Variants in TSPAN12 observed in about 807,000 individuals in gnomAD.
The protein encoded by TSPAN12 is tetraspanin-12.
TSPAN12 carries 19 observed loss-of-function variants against 39.2 expected under a neutral mutation model. The observed-to-expected ratio is 0.49, with a 90% CI of 0.34 to 0.71. TSPAN12 has a LOEUF of 0.71. Ranked by LOEUF, TSPAN12 falls within the 30% of genes least tolerant of loss-of-function variation. The pLI is 0.01. For synonymous variants in TSPAN12, 119 were observed against 124.8 expected, an observed-to-expected ratio of 0.95 and a Z score of 0.31; for missense variants, 314 against 359.9, an observed-to-expected ratio of 0.87 and a Z score of 1.03.
At position 120,857,586 on chromosome 7, in the gene TSPAN12, G is replaced by A. The variant is rs143335671; in HGVS notation, c.-71+234C>T. Among the ~76,000 whole-genome samples the A allele has an allele frequency of 9.0e-3, 1,362 of 152,126 alleles. 26 individuals are homozygous for A. Among genetic ancestry groups the A allele is most frequent in the African/African-American group, 0.031 (1,281 of 41,544 alleles). ...TAGTCATTCAAACCCCGCTTCCCCC[G>A]CCCGGGACGCTCCCGCGACCCCTCG... On this transcript the variant is annotated intron_variant, in intron 1 of 7. Coordinates refer to ENST00000222747, the MANE Select transcript of TSPAN12 (RefSeq NM_012338.4).
intron 2 of TSPAN12, among the ~76,000 whole-genome samples, chr7:120,850,168 C>T (rs1323820255): frequency 6.6e-6 from 1 of 152,184 alleles, no homozygotes. Context: ...TCAGAATGAA[C>T]ATCAATTAAT....
chr7:120,818,904 A>G (rs1173746664), intron 4 of TSPAN12, among the ~76,000 whole-genome samples: 5 of 152,126 alleles, frequency 3.3e-5, no homozygotes, highest in African/African-American at 7.2e-5. Context: ...CTTCAAGCCA[A>G]TTTTTATCCG....
rs773117827 is a variant in TSPAN12 at position 120,788,820 on chromosome 7, A to G, written c.690T>C (p.Ile230=). 23 of 1,614,028 alleles carry G rather than the reference A, an allele frequency of 1.4e-5. No homozygotes were observed. The part of the protein sequence containing the change: ...LQVLRFLGIS[I]GVTQILAMIL... ...TCATGGCCAGGATTTGTGTCACCCC[A>G]ATGGAGATTCCCAGAAACCTCAGCA... Residue 230 remains isoleucine (I), a synonymous_variant, in exon 8 of 8, where the codon ATT becomes ATC. Transcript: ENST00000222747.
intron 2 of TSPAN12, among the ~76,000 whole-genome samples, chr7:120,852,187 A>T (rs948355771): frequency 1.3e-5 from 2 of 151,488 alleles, no homozygotes; most frequent in African/African-American, 2.4e-5. Flanking sequence ...ATTAAGATTT[A>T]TTTTTTTTTC....
intron 2 of TSPAN12, among the ~76,000 whole-genome samples, chr7:120,846,133 T>C (rs183202931): frequency 4.6e-5 from 7 of 152,156 alleles, no homozygotes; most frequent in Non-Finnish European, 7.4e-5. Flanking sequence ...TACACACTTT[T>C]AAATAACCAG....
In TSPAN12 at chr7:120,806,697, A is replaced by C. The variant is rs75164223; in HGVS notation, c.469-5T>G. On this transcript the variant is annotated splice_polypyrimidine_tract_variant and splice_region_variant and intron_variant, in intron 6 of 7. Transcript: ENST00000222747. ...TACTACTCCACAGCACTTAAACTGC[A>C]AAAAAAATCACTAGTCAGCCTCAGA... 1.9e-6 allele frequency: 3 copies of C among 1,605,414 alleles called. No individual in the cohort carries two copies. The highest frequency in any genetic ancestry group is 2.6e-6 in the Non-Finnish European group (3 of 1,173,792).
chr7:120,824,339 G>C (rs1447664968), intron 4 of TSPAN12, among the ~76,000 whole-genome samples: 1 of 151,882 alleles, frequency 6.6e-6, no homozygotes, highest in East Asian at 1.9e-4. Context: ...CAACTCGAGA[G>C]GCTGAGGCAG....
rs111321214 is a variant in TSPAN12, at chr7:120,792,913, T to C, written c.613-4016A>G. On this transcript the variant is annotated intron_variant, in intron 7 of 7. Coordinates refer to ENST00000222747, the MANE Select transcript of TSPAN12 (RefSeq NM_012338.4). ...GGGAATAAAAAAACAATGAATGAAA[T>C]TGCAGTTCTAATGAGAGGGACTCCT... Among the ~76,000 whole-genome samples, 1,511 of 152,176 alleles carry C rather than the reference T, an allele frequency of 9.9e-3. 25 individuals are homozygous for C. Among genetic ancestry groups the C allele is most frequent in the African/African-American group, 0.034 (1,421 of 41,510 alleles).
At chr7:120,797,635 A>T (rs1372524723) in intron 7 of TSPAN12, among the ~76,000 whole-genome samples, 1 of 152,220 alleles carries the variant, frequency 6.6e-6, no homozygotes, top group East Asian at 1.9e-4. Flanking sequence ...CCAAAATGGA[A>T]CTACTCAACT....
At chr7:120,839,803 AC>A (rs927459101) in intron 3 of TSPAN12, among the ~76,000 whole-genome samples, 1 of 152,140 alleles carries the variant, frequency 6.6e-6, no homozygotes, top group Non-Finnish European at 1.5e-5. Context: ...CTATTACCAT[AC>A]CCAGAAATGT....
intron 1 of TSPAN12, chr7:120,857,064 A>G: frequency 2.1e-6 from 1 of 479,650 alleles, no homozygotes; most frequent in Non-Finnish European, 3.8e-6. Context: ...AAGAGCAACT[A>G]TCCGGATGAA....
intron 7 of TSPAN12, among the ~76,000 whole-genome samples, chr7:120,789,497 T>C (rs559246137): frequency 6.9e-4 from 105 of 152,350 alleles, no homozygotes; most frequent in Non-Finnish European, 1.2e-3. Context: ...GACATAGACA[T>C]ACATTCTGTG....
intron 4 of TSPAN12, among the ~76,000 whole-genome samples, chr7:120,827,324 A>C (rs1330656719): frequency 6.6e-6 from 1 of 152,226 alleles, no homozygotes; most frequent in Non-Finnish European, 1.5e-5. Flanking sequence ...CACATATATA[A>C]ATATGTATTA....
rs765321929 is a variant in TSPAN12, at chr7:120,838,781, G to A, written c.281C>T (p.Ala94Val). The A allele has an allele frequency of 1.2e-6, 2 of 1,613,726 alleles. No individual in the cohort carries two copies. The highest frequency in any genetic ancestry group is 1.7e-5 in the Admixed American group (1 of 60,020). The change falls in exon 4 of 8, where the codon GCA becomes GTA. Residue 94 changes from alanine to valine, a missense_variant. Transcript: ENST00000222747. ...GTVKRNLLLL[A>V]WYFGSLLVIF... is the part of the protein sequence containing the mutation. ...AGAGAAAATATAACATCATACCCAT[G>A]CAAGAAGCAACAGATTTCTTTTCAC...
rs148802163 is a variant in TSPAN12, at chr7:120,800,744, G to GT, written c.612+5804dup. Among the ~76,000 whole-genome samples, 670 of 118,702 alleles carry GT rather than the reference G, an allele frequency of 5.6e-3. 108 individuals carry two copies. The highest frequency in any genetic ancestry group is 0.014 in the African/African-American group (433 of 31,378). The allele number at this position is 118,702 out of a possible 152,430, so 77.9% of individuals were successfully genotyped here. On this transcript the variant is annotated intron_variant, in intron 7 of 7. Transcript: ENST00000222747. ...CTGCTGAAATAAAGTTTTCCTTATC[G>GT]TTTTTTTTTGTTTTTTTTTTTTGAG...
intron 4 of TSPAN12, among the ~76,000 whole-genome samples, chr7:120,817,398 G>C (rs1794105093): frequency 2.4e-5 from 3 of 122,966 alleles, no homozygotes; most frequent in Admixed American, 7.8e-5. Context: ...CAAAAAAAAA[G>C]TGTAGATTAT....
rs1038224799 is a variant in TSPAN12, at chr7:120,787,967, C to T, written c.*625G>A. On this transcript the variant is annotated 3_prime_UTR_variant, in exon 8 of 8. Transcript: ENST00000222747. Reference sequence around the variant, plus strand: ...TTAACATTATCAGAACTGAAATCGACTGAATTATACAGATTTAACACAGAC... The same window carrying T: ...TTAACATTATCAGAACTGAAATCGATTGAATTATACAGATTTAACACAGAC... 7.8e-5 allele frequency: 12 copies of T among 153,134 alleles called. No individual in the cohort carries two copies. Among genetic ancestry groups the T allele is most frequent in the African/African-American group, 2.9e-4 (12 of 41,404 alleles). 9.5% of individuals were successfully genotyped at this position (153,134 alleles called of 1,614,324 possible).
At chr7:120,846,214 C>G (rs1025385354) in intron 2 of TSPAN12, among the ~76,000 whole-genome samples, 1 of 152,210 alleles carries the variant, frequency 6.6e-6, no homozygotes, top group African/African-American at 2.4e-5. Context: ...CCAGTCACCT[C>G]ACACCAGGCC....
At chr7:120,851,314 C>A (rs1011201398) in intron 2 of TSPAN12, among the ~76,000 whole-genome samples, 3 of 152,152 alleles carry the variant, frequency 2.0e-5, no homozygotes, top group Admixed American at 2.0e-4. Context: ...ATCTCAAAAG[C>A]ATAAACTAAA....
Sources: allele counts gnomAD v4.1 joint callset (sites outside exome capture counted in the v4.1 genomes callset), GRCh38; gene constraint gnomAD v4.1.1; transcripts MANE v1.5; gene names NCBI Gene and HGNC (gene_info 2026-07-23, HGNC 2026-07-21).